TRIM24: variants seen among roughly 807,000 people sequenced by gnomAD.
TRIM24 encodes the protein transcription intermediary factor 1-alpha.
A neutral mutation model predicts 123.9 loss-of-function variants in TRIM24; 29 were observed. That is an observed-to-expected ratio of 0.23 (90% CI 0.17 to 0.32). TRIM24 has a LOEUF of 0.32. TRIM24 is among the 10% of genes least tolerant of loss of function. The pLI is 1.00. For missense variants in TRIM24, 932 were observed against 1,295.3 expected (o/e 0.72, Z 4.31); for synonymous variants, 456 against 461.1 (o/e 0.99, Z 0.14).
In TRIM24 at chr7:138,577,532, G is replaced by GA; in HGVS notation, c.2201dup (p.Asp734GlufsTer13). 6.2e-7 allele frequency: 1 copy of GA among 1,611,434 alleles called. No individual in the cohort carries two copies. ...AAACAGTGGACCACCGGAAAATTAT[G>GA]ATTTCCCTGTTGTTATAGTGAAGCA... On this transcript the variant is annotated frameshift_variant, in exon 14 of 19. Coordinates refer to ENST00000343526, the MANE Select transcript of TRIM24 (RefSeq NM_015905.3). LOFTEE classifies it high-confidence loss of function.
chr7:138,556,469 G>A (rs549326041), intron 9 of TRIM24: 4 of 152,268 alleles, frequency 2.6e-5, no homozygotes, highest in Admixed American at 2.0e-4. Flanking sequence ...CTTTATAGCT[G>A]TCTGCCTTCA....
At chr7:138,532,287 G>A (rs1796764699) in intron 6 of TRIM24, among the ~76,000 whole-genome samples, 1 of 152,052 alleles carries the variant, frequency 6.6e-6, no homozygotes, top group Admixed American at 6.5e-5. Flanking sequence ...TGAAGTCCTT[G>A]CCCATGCCTA....
chr7:138,583,827 A>G (rs777870868), intron 17 of TRIM24, 23 bp from the exon 18 acceptor site: 3 of 1,485,324 alleles, frequency 2.0e-6, no homozygotes, highest in Non-Finnish European at 2.8e-6. Flanking sequence ...TATTTGTATT[A>G]TAACATCTCA....
At chr7:138,522,382 C>T (rs546397127) in intron 4 of TRIM24, among the ~76,000 whole-genome samples, 5 of 151,860 alleles carry the variant, frequency 3.3e-5, no homozygotes, top group East Asian at 1.9e-4. Flanking sequence ...ATTAACATAA[C>T]GTCTTATGGA....
intron 1 of TRIM24, among the ~76,000 whole-genome samples, chr7:138,483,244 T>TA (rs1421488645): frequency 3.9e-5 from 6 of 152,224 alleles, no homozygotes; most frequent in African/African-American, 7.2e-5. Flanking sequence ...ACCCAAATGT[T>TA]AAAAAATTTT....
chr7:138,541,570 G>A (rs562385356), intron 7 of TRIM24, among the ~76,000 whole-genome samples: 12 of 152,316 alleles, frequency 7.9e-5, no homozygotes, highest in East Asian at 1.9e-4. Context: ...CAAAAGCAGC[G>A]TAGATTTAGG....
intron 1 of TRIM24, among the ~76,000 whole-genome samples, chr7:138,470,940 C>T (rs1281448056): frequency 6.6e-6 from 1 of 152,156 alleles, no homozygotes; most frequent in East Asian, 1.9e-4. Context: ...GTCTTATTTT[C>T]AGTTATGATA....
intron 1 of TRIM24, among the ~76,000 whole-genome samples, chr7:138,481,185 T>A (rs560073402): frequency 3.6e-4 from 55 of 151,976 alleles, no homozygotes; most frequent in Non-Finnish European, 1.5e-4. Context: ...AGAGATGGGG[T>A]TTCTCCATGT....
At chr7:138,519,568 A>G (rs1414660614) in intron 4 of TRIM24, among the ~76,000 whole-genome samples, 3 of 152,182 alleles carry the variant, frequency 2.0e-5, no homozygotes, top group Non-Finnish European at 4.4e-5. Context: ...ACTAGTTACC[A>G]GTAGCAACCC....
chr7:138,460,719 C>T lies in TRIM24; in HGVS notation c.171C>T (p.Ala57=), dbSNP rs1794941053. Residue 57 remains alanine (A), a synonymous_variant, in exon 1 of 19, where the codon GCC becomes GCT. Coordinates refer to ENST00000343526, the MANE Select transcript of TRIM24 (RefSeq NM_015905.3). ...AARLNLLDTC[A]VCHQNIQSRA... ...GGCTCAACCTGTTGGACACTTGCGCCGTGTGCCACCAGAACATCCAGAGCC... is the reference window on the plus strand; with the variant it reads ...GGCTCAACCTGTTGGACACTTGCGCTGTGTGCCACCAGAACATCCAGAGCC... The T allele has an allele frequency of 1.3e-6, 2 of 1,571,076 alleles. No homozygotes were observed. The highest frequency in any genetic ancestry group is 1.7e-6 in the Non-Finnish European group (2 of 1,162,330).
At position 138,586,094 on chromosome 7, in the gene TRIM24, CTGAT is replaced by C. The variant is rs566904744; in HGVS notation, c.*1152_*1155del. ...TGATCTGACTTCTGATTTTATTCTT[CTGAT>C]TGATTGATAGAGGTACAAAAGACTT... On this transcript the variant is annotated 3_prime_UTR_variant, in exon 19 of 19. Coordinates refer to ENST00000343526, the MANE Select transcript of TRIM24 (RefSeq NM_015905.3). 2.6e-5 allele frequency: 10 copies of C among 386,564 alleles called. No homozygotes were observed. Among genetic ancestry groups the C allele is most frequent in the South Asian group, 1.2e-4 (6 of 49,536 alleles). 23.9% of individuals were successfully genotyped at this position (386,564 alleles called of 1,614,324 possible). A position where few individuals can be genotyped will look rare whatever the true frequency, so the allele number is the denominator to read the frequency against.
intron 1 of TRIM24, among the ~76,000 whole-genome samples, chr7:138,471,415 G>A (rs1795269792): frequency 6.6e-6 from 1 of 151,784 alleles, no homozygotes. Context: ...TTTTTCAAAT[G>A]CCATATCCTC....
intron 9 of TRIM24, among the ~76,000 whole-genome samples, chr7:138,566,253 A>C (rs763674201): frequency 5.9e-5 from 9 of 152,114 alleles, no homozygotes; most frequent in Non-Finnish European, 1.3e-4. Context: ...CAGTGGCTCA[A>C]GCCTGTAATC....
chr7:138,551,635 G>A (rs1204975973), intron 8 of TRIM24, among the ~76,000 whole-genome samples: 3 of 152,136 alleles, frequency 2.0e-5, no homozygotes, highest in East Asian at 3.8e-4. Context: ...GACTGACAGG[G>A]TGTCTAGACT....
chr7:138,552,407 T>G (rs1030137623), intron 8 of TRIM24, among the ~76,000 whole-genome samples: 2 of 152,208 alleles, frequency 1.3e-5, no homozygotes. Flanking sequence ...AGTTACTACT[T>G]TAGCTTCTTT....
intron 9 of TRIM24, among the ~76,000 whole-genome samples, chr7:138,557,592 C>G (rs943594273): frequency 6.6e-6 from 1 of 152,192 alleles, no homozygotes; most frequent in East Asian, 1.9e-4. Context: ...TGGAGACCAT[C>G]CTTTCTAAGT....
chr7:138,518,990 G>A (rs879415311), intron 3 of TRIM24, among the ~76,000 whole-genome samples, 199 bp from the exon 4 acceptor site: 6 of 151,950 alleles, frequency 3.9e-5, no homozygotes, highest in African/African-American at 1.5e-4. Context: ...AAATGAAAAG[G>A]TTATTTACTT....
At chr7:138,550,302 A>C (rs1388134644) in intron 7 of TRIM24, among the ~76,000 whole-genome samples, 1 of 146,520 alleles carries the variant, frequency 6.8e-6, no homozygotes, top group Non-Finnish European at 1.5e-5. Context: ...ATTGAGTGAG[A>C]GAAAGAGGAG....
At chr7:138,510,138 T>C (rs1019922811) in intron 2 of TRIM24, among the ~76,000 whole-genome samples, 3 of 152,154 alleles carry the variant, frequency 2.0e-5, no homozygotes, top group Non-Finnish European at 2.9e-5. Context: ...TACATGCAGG[T>C]AGGAAGAAAA....
Sources: allele counts gnomAD v4.1 joint callset (sites outside exome capture counted in the v4.1 genomes callset), GRCh38; gene constraint gnomAD v4.1.1; transcripts MANE v1.5; gene names NCBI Gene and HGNC (gene_info 2026-07-23, HGNC 2026-07-21).